ROCK1: variants seen among roughly 807,000 people sequenced by gnomAD.
ROCK1 encodes Rho associated coiled-coil containing protein kinase 1, also known as rho-associated protein kinase 1.
ROCK1 carries 36 observed loss-of-function variants against 196.8 expected under a neutral mutation model. The observed-to-expected ratio is 0.18, with a 90% CI of 0.14 to 0.24. ROCK1 has a LOEUF of 0.24. Ranked by LOEUF, ROCK1 falls within the 10% of genes least tolerant of loss-of-function variation. ROCK1 has a pLI of 1.00. For missense variants in ROCK1, 920 were observed against 1,562.0 expected (o/e 0.59, Z 6.93); for synonymous variants, 443 against 515.9 (o/e 0.86, Z 1.91).
At chr18:21,084,034 T>C (rs913185739) in intron 1 of ROCK1, among the ~76,000 whole-genome samples, 2 of 152,150 alleles carry the variant, frequency 1.3e-5, no homozygotes, top group African/African-American at 4.8e-5. Context: ...TAATGGACAG[T>C]CTTTTTAGCA....
intron 2 of ROCK1, among the ~76,000 whole-genome samples, chr18:21,063,320 C>A (rs2036307669): frequency 6.6e-6 from 1 of 152,036 alleles, no homozygotes; most frequent in Non-Finnish European, 1.5e-5. Context: ...GATAAGTATA[C>A]AAGATGCCAT....
chr18:20,971,881 A>T (rs1457247046), intron 22 of ROCK1, among the ~76,000 whole-genome samples: 5 of 152,102 alleles, frequency 3.3e-5, no homozygotes, highest in African/African-American at 1.2e-4. Flanking sequence ...TTACAGGTTG[A>T]TCAAGGAGGC....
In ROCK1 at chr18:21,039,542, A is replaced by G; in HGVS notation, c.981T>C (p.Asn327=). ...LTDREVRLGR[N]GVEEIKRHLF... is the part of the protein sequence containing the mutation. ...GATGTCGTTTGATTTCTTCTACACC[A>G]TTTCGCCCTAACCTCACTTCCCTGA... The change falls in exon 9 of 33, where the codon AAT becomes AAC. Residue 327 remains asparagine, a synonymous_variant. Coordinates refer to ENST00000399799, the MANE Select transcript of ROCK1 (RefSeq NM_005406.3). 6.2e-7 allele frequency: 1 copy of G among 1,613,848 alleles called. No homozygotes were observed. Among genetic ancestry groups the G allele is most frequent in the Non-Finnish European group, 8.5e-7 (1 of 1,179,824 alleles).
At position 21,008,068 on chromosome 18, in the gene ROCK1, C is replaced by T; in HGVS notation, c.1537G>A (p.Glu513Lys). The T allele has an allele frequency of 6.3e-7, 1 of 1,589,742 alleles. No individual in the cohort carries two copies. The highest frequency in any genetic ancestry group is 8.5e-7 in the Non-Finnish European group (1 of 1,169,822). ...AGTAGTGACAATTTACCTTCATTTT[C>T]TACATTTCTTCTCTTCTCATTTTCC... ...EQENEKRRNV[E>K]NEVSTLKDQL... Residue 513 changes from glutamate to lysine, a missense_variant, in exon 14 of 33, where the codon GAA (glutamate) becomes AAA (lysine). This residue lies in a region of ROCK1 where 520 missense variants were observed against 657.1 expected (regional missense o/e 0.79). Transcript: ENST00000399799.
intron 2 of ROCK1, among the ~76,000 whole-genome samples, chr18:21,059,165 T>G (rs1461586377): frequency 8.5e-5 from 13 of 152,220 alleles, no homozygotes; most frequent in African/African-American, 3.1e-4. Flanking sequence ...GCTCTAGCAA[T>G]GCCTAGTTAT....
intron 13 of ROCK1, among the ~76,000 whole-genome samples, chr18:21,014,498 C>G (rs1050660631): frequency 6.6e-6 from 1 of 152,200 alleles, no homozygotes; most frequent in African/African-American, 2.4e-5. Flanking sequence ...AAATTTCCCT[C>G]TCTACTTCTA....
chr18:21,083,736 A>G (rs56341427), intron 1 of ROCK1, among the ~76,000 whole-genome samples: 1,671 of 152,342 alleles, frequency 0.011, 35 homozygotes, highest in African/African-American at 0.038. Context: ...TACAGTACAT[A>G]TATTTACATA....
At chr18:21,054,735 ATACT>A (rs2036232901) in intron 2 of ROCK1, among the ~76,000 whole-genome samples, 1 of 152,054 alleles carries the variant, frequency 6.6e-6, no homozygotes, top group South Asian at 2.1e-4. Context: ...CCCACAGATA[ATACT>A]TACAGTACCT....
chr18:21,095,325 T>C (rs2036604375), intron 1 of ROCK1, among the ~76,000 whole-genome samples: 1 of 151,926 alleles, frequency 6.6e-6, no homozygotes, highest in Non-Finnish European at 1.5e-5. Flanking sequence ...CTAATCAAAC[T>C]ACCCATAGAA....
intron 11 of ROCK1, among the ~76,000 whole-genome samples, chr18:21,022,942 A>T (rs766487344): frequency 1.1e-4 from 17 of 152,176 alleles, no homozygotes; most frequent in Non-Finnish European, 2.2e-4. Flanking sequence ...ATACTACAAC[A>T]TGGATGAACC....
At chr18:20,998,217 A>C (rs1451407083) in intron 16 of ROCK1, among the ~76,000 whole-genome samples, 2 of 152,192 alleles carry the variant, frequency 1.3e-5, no homozygotes, top group African/African-American at 4.8e-5. Flanking sequence ...TTGATGAAGA[A>C]ATTAAGAAGA....
At chr18:20,969,235 C>T (rs760787583) in intron 23 of ROCK1, 27 bp from the exon 24 acceptor site, 1 of 1,398,788 alleles carries the variant, frequency 7.1e-7, no homozygotes, top group South Asian at 1.2e-5. Flanking sequence ...AAAGTTTAAG[C>T]TCCAGCCTCT....
Position 20,949,024 on chromosome 18 carries a change from G to A in ROCK1, c.*2360C>T, listed in dbSNP as rs550961985. 1 of 152,018 alleles carries A rather than the reference G, an allele frequency of 6.6e-6. No homozygotes were observed. Among genetic ancestry groups the A allele is most frequent in the East Asian group, 1.9e-4 (1 of 5,168 alleles). 9.4% of individuals were successfully genotyped at this position (152,018 alleles called of 1,614,324 possible). A position where few individuals can be genotyped will look rare whatever the true frequency, so the allele number is the denominator to read the frequency against. On this transcript the variant is annotated 3_prime_UTR_variant, in exon 33 of 33. Transcript: ENST00000399799. ...AATATTGGTATACTTGGGAGTGAGT[G>A]GTTTCCTGAACTTAGAAGAGGAAGC...
At chr18:20,995,341 T>C (rs1228211016) in intron 16 of ROCK1, among the ~76,000 whole-genome samples, 3 of 152,172 alleles carry the variant, frequency 2.0e-5, no homozygotes, top group African/African-American at 4.8e-5. Context: ...AAGGGCCAAA[T>C]AGAAGCCTCC....
Position 20,982,758 on chromosome 18 carries a change from C to T in ROCK1, c.2559+5G>A. The T allele has an allele frequency of 6.8e-7, 1 of 1,466,960 alleles. No homozygotes were observed. The highest frequency in any genetic ancestry group is 9.5e-7 in the Non-Finnish European group (1 of 1,048,772). 90.9% of individuals were successfully genotyped at this position (1,466,960 alleles called of 1,614,324 possible). ...GTGTGTATGTTAAAAATGATTCTCA[C>T]TTACCGAGAAATATTGCTCAGCTTC... On this transcript the variant is annotated splice_donor_5th_base_variant and intron_variant, in intron 21 of 32. Coordinates refer to ENST00000399799, the MANE Select transcript of ROCK1 (RefSeq NM_005406.3).
At chr18:21,082,458 G>A (rs1040125183) in intron 1 of ROCK1, among the ~76,000 whole-genome samples, 3 of 152,076 alleles carry the variant, frequency 2.0e-5, no homozygotes, top group African/African-American at 7.2e-5. Flanking sequence ...GTAGAATATA[G>A]CACATATGAG....
At chr18:21,052,494 A>G (rs1198894891) in intron 2 of ROCK1, among the ~76,000 whole-genome samples, 1 of 152,080 alleles carries the variant, frequency 6.6e-6, no homozygotes, top group Non-Finnish European at 1.5e-5. Flanking sequence ...CTCCATTGAG[A>G]CAGAAAACAA....
chr18:21,109,979 T>G (rs1281614634), intron 1 of ROCK1, among the ~76,000 whole-genome samples: 1 of 152,166 alleles, frequency 6.6e-6, no homozygotes, highest in East Asian at 1.9e-4. Flanking sequence ...ATATAACCCT[T>G]AGTTGTTCAG....
intron 1 of ROCK1, among the ~76,000 whole-genome samples, chr18:21,080,840 T>C (rs1472857946): frequency 1.3e-5 from 2 of 152,182 alleles, no homozygotes; most frequent in Non-Finnish European, 2.9e-5. Context: ...ATTTGGTATA[T>C]AAATATACAA....
Sources: gnomAD v4.1 joint callset for allele counts (sites outside exome capture counted in the v4.1 genomes callset) on GRCh38, gnomAD v4.1.1 for gene constraint, gnomAD v4.1.1 regional missense constraint, MANE v1.5 for transcripts, NCBI Gene and HGNC (gene_info 2026-07-23, HGNC 2026-07-21) for gene names.